Variants in RARB observed in about 807,000 individuals in gnomAD.
RARB encodes the protein retinoic acid receptor beta, also known as HBV-activated protein.
Under a neutral mutation model 51.9 loss-of-function variants are expected in RARB, and 17 were observed. That is an observed-to-expected ratio of 0.33 (90% CI 0.22 to 0.49). The LOEUF is 0.49. Ranked by LOEUF, RARB falls within the 20% of genes least tolerant of loss-of-function variation. The pLI, the probability that RARB is intolerant of heterozygous loss-of-function variation, is 0.99. For synonymous variants in RARB, 215 were observed against 195.4 expected, an observed-to-expected ratio of 1.10 and a Z score of -0.84; for missense variants, 369 against 550.8, an observed-to-expected ratio of 0.67 and a Z score of 3.30.
At chr3:25,201,081 A>G (rs938687192) in intron 5 of RARB, among the ~76,000 whole-genome samples, 1 of 152,130 alleles carries the variant, frequency 6.6e-6, no homozygotes, top group Non-Finnish European at 1.5e-5. Context: ...TGAGCATGGA[A>G]TGTTCTTCCA....
intron 5 of RARB, among the ~76,000 whole-genome samples, chr3:25,338,920 A>G (rs1386712247): frequency 1.3e-5 from 2 of 152,116 alleles, no homozygotes; most frequent in African/African-American, 4.8e-5. Flanking sequence ...GGGGCCTTCA[A>G]AATCGGGTCT....
intron 2 of RARB, among the ~76,000 whole-genome samples, chr3:25,479,627 A>T (rs1696131288): frequency 6.6e-6 from 1 of 152,202 alleles, no homozygotes; most frequent in South Asian, 2.1e-4. Flanking sequence ...ACAGCTCTGA[A>T]TTGTTACTTT....
At chr3:24,907,487 A>G (rs1471533167) in intron 2 of RARB, among the ~76,000 whole-genome samples, 2 of 151,976 alleles carry the variant, frequency 1.3e-5, no homozygotes, top group Non-Finnish European at 2.9e-5. Flanking sequence ...TATTAGGTGT[A>G]TTATTATTAA....
At chr3:25,099,907 C>T (rs1020211584) in intron 3 of RARB, among the ~76,000 whole-genome samples, 3 of 152,148 alleles carry the variant, frequency 2.0e-5, no homozygotes, top group South Asian at 2.1e-4. Context: ...AGTGACTGTT[C>T]GTAAATGCTT....
intron 2 of RARB, among the ~76,000 whole-genome samples, chr3:25,483,632 C>T (rs895099673): frequency 2.7e-5 from 4 of 150,078 alleles, no homozygotes; most frequent in African/African-American, 9.9e-5. Context: ...CTTTCTCAGC[C>T]TTGTTTTGGT....
At chr3:25,072,257 A>G (rs1301623939) in intron 3 of RARB, among the ~76,000 whole-genome samples, 3 of 152,212 alleles carry the variant, frequency 2.0e-5, no homozygotes, top group African/African-American at 7.2e-5. Context: ...GCAGCTTACA[A>G]TTTCAGCTCA....
chr3:24,961,650 G>C (rs1050246499), intron 2 of RARB, among the ~76,000 whole-genome samples: 10 of 152,136 alleles, frequency 6.6e-5, no homozygotes, highest in African/African-American at 2.4e-4. Flanking sequence ...GAGTTCTGAC[G>C]GTCCAGTTAT....
intron 5 of RARB, among the ~76,000 whole-genome samples, chr3:25,240,036 GTGTT>G (rs1412195706): frequency 1.3e-5 from 2 of 148,316 alleles, no homozygotes; most frequent in African/African-American, 2.5e-5. Context: ...TAGGTTGTTG[GTGTT>G]TGTTTGTTTT....
At chr3:24,950,422 C>T (rs867294002) in intron 2 of RARB, among the ~76,000 whole-genome samples, 1 of 152,162 alleles carries the variant, frequency 6.6e-6, no homozygotes. Flanking sequence ...TAATAATCTC[C>T]TGTTTACATG....
chr3:25,589,972 C>T (rs1239749525), intron 5 of RARB, among the ~76,000 whole-genome samples: 1 of 152,214 alleles, frequency 6.6e-6, no homozygotes, highest in East Asian at 1.9e-4. Context: ...GGGTTCTCTC[C>T]AGAGACAGAA....
At chr3:25,581,423 T>A (rs1426776471) in intron 5 of RARB, among the ~76,000 whole-genome samples, 2 of 152,172 alleles carry the variant, frequency 1.3e-5, no homozygotes, top group Non-Finnish European at 2.9e-5. Flanking sequence ...AGTCCCAGCC[T>A]GAAGCCCCCA....
At chr3:25,199,370 A>G (rs1055484111) in intron 5 of RARB, among the ~76,000 whole-genome samples, 1 of 152,234 alleles carries the variant, frequency 6.6e-6, no homozygotes, top group South Asian at 2.1e-4. Flanking sequence ...GTTAGAATGA[A>G]TAAGATCTAA....
chr3:25,169,338 C>G (rs1700606407), intron 4 of RARB, among the ~76,000 whole-genome samples: 1 of 152,132 alleles, frequency 6.6e-6, no homozygotes, highest in South Asian at 2.1e-4. Flanking sequence ...GCCAATCAGC[C>G]CTGGAGCAGG....
intron 5 of RARB, among the ~76,000 whole-genome samples, chr3:25,241,536 A>G (rs946964429): frequency 3.3e-5 from 5 of 151,562 alleles, no homozygotes; most frequent in African/African-American, 1.2e-4. Flanking sequence ...TCATTGTTCA[A>G]CTCCTACCTA....
At chr3:25,336,884 C>G (rs762530921) in intron 5 of RARB, among the ~76,000 whole-genome samples, 28 of 152,064 alleles carry the variant, frequency 1.8e-4, no homozygotes, top group Non-Finnish European at 3.4e-4. Context: ...CTGCTGTGCT[C>G]CTCTCAGAAC....
intron 5 of RARB, among the ~76,000 whole-genome samples, chr3:25,365,133 C>G (rs567165734): frequency 6.6e-6 from 1 of 151,146 alleles, no homozygotes; most frequent in Non-Finnish European, 1.5e-5. Context: ...GGGCTTCTAG[C>G]TTCCTATCCA....
At chr3:25,425,056 G>A (rs1484887104), upstream of RARB, among the ~76,000 whole-genome samples, 3 of 152,160 alleles carry the variant, frequency 2.0e-5, no homozygotes, top group African/African-American at 7.2e-5. Flanking sequence ...TTGTTGGTTG[G>A]AAATACATTT....
At chr3:25,497,115 C>T (rs1697078089) in intron 2 of RARB, among the ~76,000 whole-genome samples, 1 of 152,118 alleles carries the variant, frequency 6.6e-6, no homozygotes, top group African/African-American at 2.4e-5. Flanking sequence ...AACTCCCGAC[C>T]CTCAGGTGAT....
intron 3 of RARB, among the ~76,000 whole-genome samples, chr3:25,518,158 G>T (rs1157780753): frequency 2.0e-5 from 3 of 152,124 alleles, no homozygotes; most frequent in East Asian, 1.9e-4. Context: ...AAAAACCGAT[G>T]ATTTTAAAAT....
Sources: gnomAD v4.1 joint callset for allele counts (sites outside exome capture counted in the v4.1 genomes callset) on GRCh38, gnomAD v4.1.1 for gene constraint, MANE v1.5 for transcripts, NCBI Gene and HGNC (gene_info 2026-07-23, HGNC 2026-07-21) for gene names.